Variants in IFFO2 observed in about 807,000 individuals in gnomAD.
IFFO2 encodes the protein intermediate filament family orphan 2.
In IFFO2, 19 loss-of-function variants were observed where a neutral mutation model predicts 53.5. The ratio of observed to expected loss-of-function variants is 0.36; its 90% CI spans 0.25 to 0.52. The LOEUF (loss-of-function observed/expected upper bound fraction) is 0.52. IFFO2 is among the 20% of genes least tolerant of loss of function. The pLI is 0.94. For missense variants in IFFO2, 570 were observed against 727.4 expected, an observed-to-expected ratio of 0.78 and a Z score of 2.49; for synonymous variants, 303 against 313.6, an observed-to-expected ratio of 0.97 and a Z score of 0.36.
chr1:18,935,118 T>G (rs1936428020), intron 1 of IFFO2, among the ~76,000 whole-genome samples: 1 of 152,182 alleles, frequency 6.6e-6, no homozygotes. Flanking sequence ...TCCTGGGCCC[T>G]TACTCCAGTT....
Position 18,936,621 on chromosome 1 carries a change from C to T in IFFO2, c.666-15500G>A, listed in dbSNP as rs979268076. 6.6e-6 allele frequency among the ~76,000 whole-genome samples: 1 copy of T among 152,238 alleles called. No homozygotes were observed. The highest frequency in any genetic ancestry group is 1.5e-5 in the Non-Finnish European group (1 of 68,042). On this transcript the variant is annotated intron_variant, in intron 1 of 8. Coordinates refer to ENST00000455833, the MANE Select transcript of IFFO2 (RefSeq NM_001136265.2). This position sits in a 1 kb window ranked among gnomAD's most constrained non-coding sequence, Gnocchi z 4.5. ...AACCTAATATGTACTTTGGGTCTCTCCACTGTTTATTCCAAGTGACTGTGC... is the reference window on the plus strand; with the variant it reads ...AACCTAATATGTACTTTGGGTCTCTTCACTGTTTATTCCAAGTGACTGTGC...
At chr1:18,949,666 G>A (rs974464416) in intron 1 of IFFO2, among the ~76,000 whole-genome samples, 13 of 152,258 alleles carry the variant, frequency 8.5e-5, no homozygotes, top group African/African-American at 2.9e-4. Flanking sequence ...AGCAAAGGGC[G>A]TGTTCAAATT....
In IFFO2 at chr1:18,905,568, A is replaced by G. The variant is rs1935935320; in HGVS notation, c.*2993T>C. On this transcript the variant is annotated 3_prime_UTR_variant, in exon 9 of 9. Transcript: ENST00000455833. Reference sequence around the variant, plus strand: ...TAGGTCATCTGAGCTCTACCCACAGAGTTAGTCCACGATGGATTTGGCCCT... The same window carrying G: ...TAGGTCATCTGAGCTCTACCCACAGGGTTAGTCCACGATGGATTTGGCCCT... 1 of 152,118 alleles carries G rather than the reference A, an allele frequency of 6.6e-6. No homozygotes were observed. Among genetic ancestry groups the G allele is most frequent in the Non-Finnish European group, 1.5e-5 (1 of 68,036 alleles). 9.4% of individuals were successfully genotyped at this position (152,118 alleles called of 1,614,324 possible).
At position 18,918,306 on chromosome 1, in the gene IFFO2, C is replaced by T. The variant is rs1219083380; in HGVS notation, c.963+56G>A. ...GGGTTGGCCGGGCAGGGGTGGAGGCCAGGGCTGCTCTGGGAGAGTGGGGGG... is the reference window on the plus strand; with the variant it reads ...GGGTTGGCCGGGCAGGGGTGGAGGCTAGGGCTGCTCTGGGAGAGTGGGGGG... On this transcript the variant is annotated intron_variant, in intron 4 of 8. Transcript: ENST00000455833. The surrounding 1 kb of genome is among the most constrained non-coding windows in gnomAD (Gnocchi z 5.2). The T allele has an allele frequency of 1.3e-6, 2 of 1,527,472 alleles. No homozygotes were observed. The highest frequency in any genetic ancestry group is 1.8e-6 in the Non-Finnish European group (2 of 1,128,186). 94.6% of individuals were successfully genotyped at this position (1,527,472 alleles called of 1,614,324 possible). A position where few individuals can be genotyped will look rare whatever the true frequency, so the allele number is the denominator to read the frequency against.
At chr1:18,933,008 C>T (rs974651320) in intron 1 of IFFO2, among the ~76,000 whole-genome samples, 4 of 152,220 alleles carry the variant, frequency 2.6e-5, no homozygotes, top group African/African-American at 4.8e-5. Flanking sequence ...GGCTGGCTGC[C>T]GGCTTACATT....
In IFFO2 at chr1:18,918,572, G is replaced by A; in HGVS notation, c.823-70C>T. 7 of 1,508,352 alleles carry A rather than the reference G, an allele frequency of 4.6e-6. No individual in the cohort carries two copies. Among genetic ancestry groups the A allele is most frequent in the Non-Finnish European group, 6.3e-6 (7 of 1,110,868 alleles). The allele number at this position is 1,508,352 out of a possible 1,614,324, so 93.4% of individuals were successfully genotyped here. On this transcript the variant is annotated intron_variant, in intron 3 of 8. Coordinates refer to ENST00000455833, the MANE Select transcript of IFFO2 (RefSeq NM_001136265.2). The surrounding 1 kb of genome is among the most constrained non-coding windows in gnomAD (Gnocchi z 5.2). ...AGCCTGGGGGGCTTGGCAGAGAGGTGGGGAGACCCCTAGGTGTCAGCAGGG... is the reference window on the plus strand; with the variant it reads ...AGCCTGGGGGGCTTGGCAGAGAGGTAGGGAGACCCCTAGGTGTCAGCAGGG...
rs1197103295 is a variant in IFFO2 at position 18,905,736 on chromosome 1, A to G, written c.*2825T>C. On this transcript the variant is annotated 3_prime_UTR_variant, in exon 9 of 9. Transcript: ENST00000455833. ...GTGTGTGTGTATTTCACAACCAACCAGGGAGCCAAAAGGATGCTAGTCTTC... is the reference window on the plus strand; with the variant it reads ...GTGTGTGTGTATTTCACAACCAACCGGGGAGCCAAAAGGATGCTAGTCTTC... 6.6e-6 allele frequency: 1 copy of G among 151,846 alleles called. No individual in the cohort carries two copies. The highest frequency in any genetic ancestry group is 2.4e-5 in the African/African-American group (1 of 41,220). The allele number at this position is 151,846 out of a possible 1,614,324, so 9.4% of individuals were successfully genotyped here.
In IFFO2 at chr1:18,955,954, T is replaced by G; in HGVS notation, c.379A>C (p.Ser127Arg). 7.9e-7 allele frequency: 1 copy of G among 1,273,262 alleles called. No homozygotes were observed. The allele number at this position is 1,273,262 out of a possible 1,614,324, so 78.9% of individuals were successfully genotyped here. A position where few individuals can be genotyped will look rare whatever the true frequency, so the allele number is the denominator to read the frequency against. The change falls in exon 1 of 9, where the codon AGT (serine) becomes CGT (arginine). Residue 127 changes from serine to arginine, a missense_variant. Ser to Arg is a moderately radical substitution (Grantham distance 110). Coordinates refer to ENST00000455833, the MANE Select transcript of IFFO2 (RefSeq NM_001136265.2). The stretch of plus-strand genomic sequence containing the variant: ...GCGTTGGCGCCGGCCGCCGCGCCAC[T>G]GCTGAGGCCGTGCCCGCCGCCGGGC... ...PAPGGGHGLS[S>R]GAAAGANANA... is the part of the protein sequence containing the mutation.
At chr1:18,910,077 G>C (rs533812109) in intron 8 of IFFO2, among the ~76,000 whole-genome samples, 1 of 152,332 alleles carries the variant, frequency 6.6e-6, no homozygotes, top group South Asian at 2.1e-4. Flanking sequence ...GTCTTGCACA[G>C]AGCAGGCCTT....
chr1:18,918,450 A>G lies in IFFO2; in HGVS notation c.875T>C (p.Met292Thr). ...KIQEKAMKVD[M>T]DICRRIDITA... Reference sequence around the variant, plus strand: ...GATATCGATTCGGCGGCAGATGTCCATGTCCACCTTCATGGCCTTTTCTTG... The same window carrying G: ...GATATCGATTCGGCGGCAGATGTCCGTGTCCACCTTCATGGCCTTTTCTTG... The change falls in exon 4 of 9, where the codon ATG (methionine) becomes ACG (threonine). Residue 292 changes from methionine to threonine, a missense_variant. Transcript: ENST00000455833. The surrounding 1 kb of genome is among the most constrained non-coding windows in gnomAD (Gnocchi z 5.2). 6.4e-7 allele frequency: 1 copy of G among 1,562,058 alleles called. No homozygotes were observed. The highest frequency in any genetic ancestry group is 8.7e-7 in the Non-Finnish European group (1 of 1,152,756).
chr1:18,942,842 T>TC lies in IFFO2; in HGVS notation c.665+12825_665+12826insG, dbSNP rs1395306217. Among the ~76,000 whole-genome samples the TC allele has an allele frequency of 2.9e-3, 417 of 144,022 alleles. 3 individuals carry two copies. The highest frequency in any genetic ancestry group is 0.01 in the African/African-American group (385 of 38,184). 94.5% of individuals were successfully genotyped at this position (144,022 alleles called of 152,430 possible). On this transcript the variant is annotated intron_variant, in intron 1 of 8. Transcript: ENST00000455833. ...TGATGTTTTATTTTATATTATTTCTTTTTTTTTTTTTTTTGAGATGGAGTC... is the reference window on the plus strand; with the variant it reads ...TGATGTTTTATTTTATATTATTTCTTCTTTTTTTTTTTTTTGAGATGGAGTC...
intron 1 of IFFO2, among the ~76,000 whole-genome samples, chr1:18,937,313 G>C (rs941630536): frequency 6.6e-6 from 1 of 152,216 alleles, no homozygotes; most frequent in Non-Finnish European, 1.5e-5. Flanking sequence ...AGGTTCCAGC[G>C]CAGCTGAGGC....
intron 1 of IFFO2, among the ~76,000 whole-genome samples, chr1:18,925,782 ATTGGTTGGATGGATGGATGGAT>A (rs1936274937): frequency 7.1e-6 from 1 of 140,030 alleles, no homozygotes; most frequent in Non-Finnish European, 1.6e-5. Flanking sequence ...GGATGGATGG[ATTGGTTGGATGGATGGATGGAT>A]TGGTTGGATG....
rs1935977182 is a variant in IFFO2, at chr1:18,908,079, GGC to G, written c.*480_*481del. On this transcript the variant is annotated 3_prime_UTR_variant, in exon 9 of 9. Coordinates refer to ENST00000455833, the MANE Select transcript of IFFO2 (RefSeq NM_001136265.2). ...GGTTGGCAGAGCACCCCAAGCTCCAGGCCGAGTCTGGGCTGGCTCAGGAGGAA... is the reference window on the plus strand; with the variant it reads ...GGTTGGCAGAGCACCCCAAGCTCCAGCGAGTCTGGGCTGGCTCAGGAGGAA... The G allele has an allele frequency of 6.1e-6, 1 of 162,698 alleles. No homozygotes were observed. Among genetic ancestry groups the G allele is most frequent in the African/African-American group, 2.5e-5 (1 of 39,566 alleles). The allele number at this position is 162,698 out of a possible 1,614,324, so 10.1% of individuals were successfully genotyped here. A position where few individuals can be genotyped will look rare whatever the true frequency, so the allele number is the denominator to read the frequency against.
At position 18,936,672 on chromosome 1, in the gene IFFO2, C is replaced by T. The variant is rs1557646690; in HGVS notation, c.666-15551G>A. Among the ~76,000 whole-genome samples the T allele has an allele frequency of 6.6e-6, 1 of 152,218 alleles. No homozygotes were observed. The highest frequency in any genetic ancestry group is 6.5e-5 in the Admixed American group (1 of 15,294). ...TGCCCTGGAGGTAAATGTAGGGCAC[C>T]TCAGGGTAATCTCCCGCATACTTAC... On this transcript the variant is annotated intron_variant, in intron 1 of 8. Coordinates refer to ENST00000455833, the MANE Select transcript of IFFO2 (RefSeq NM_001136265.2). This position sits in a 1 kb window ranked among gnomAD's most constrained non-coding sequence, Gnocchi z 4.5.
intron 1 of IFFO2, among the ~76,000 whole-genome samples, chr1:18,938,290 C>A (rs6665361): frequency 6.6e-6 from 1 of 152,188 alleles, no homozygotes; most frequent in African/African-American, 2.4e-5. Context: ...ACACCAGTGC[C>A]TAACATTATT....
rs1936170031 is a variant in IFFO2, at chr1:18,918,622, C to A, written c.823-120G>T. 1.9e-6 allele frequency: 2 copies of A among 1,030,966 alleles called. No individual in the cohort carries two copies. Among genetic ancestry groups the A allele is most frequent in the Non-Finnish European group, 1.4e-6 (1 of 708,778 alleles). The allele number at this position is 1,030,966 out of a possible 1,614,324, so 63.9% of individuals were successfully genotyped here. On this transcript the variant is annotated intron_variant, in intron 3 of 8. Coordinates refer to ENST00000455833, the MANE Select transcript of IFFO2 (RefSeq NM_001136265.2). The surrounding 1 kb of genome is among the most constrained non-coding windows in gnomAD (Gnocchi z 5.2). ...GGTGGTGCGGGGAGGCCTCCAGAGT[C>A]CGAGGGTGCCTTGGGCTTTTCCGTG...
At chr1:18,945,068 G>A (rs1265915033) in intron 1 of IFFO2, among the ~76,000 whole-genome samples, 6 of 152,030 alleles carry the variant, frequency 3.9e-5, no homozygotes, top group East Asian at 3.9e-4. Flanking sequence ...CCTTGTACAC[G>A]CTGTCCTCTC....
chr1:18,911,233 T>C (rs1052280619), intron 7 of IFFO2, 151 bp downstream of exon 7: 5 of 408,308 alleles, frequency 1.2e-5, no homozygotes, highest in Non-Finnish European at 1.7e-5. Flanking sequence ...AGAAAGACAT[T>C]ACTCGCCCCG....
Sources: gnomAD v4.1 joint callset for allele counts (sites outside exome capture counted in the v4.1 genomes callset) on GRCh38, gnomAD v4.1.1 for gene constraint, Gnocchi (gnomAD v3.1) non-coding constraint, MANE v1.5 for transcripts, NCBI Gene and HGNC (gene_info 2026-07-23, HGNC 2026-07-21) for gene names.